Variants in NTM observed in about 807,000 individuals in gnomAD.
NTM encodes IgLON family member 2.
Under a neutral mutation model 42.1 loss-of-function variants are expected in NTM, and 13 were observed. The ratio of observed to expected loss-of-function variants is 0.31; its 90% confidence interval spans 0.20 to 0.49. The LOEUF is 0.49. NTM is among the 20% of genes least tolerant of loss of function. The probability of loss-of-function intolerance (pLI) is 0.99; values close to 1 mark genes in which losing one functional copy is unlikely to be tolerated. For missense variants in NTM, 373 were observed against 452.8 expected (o/e 0.82, Z 1.60); for synonymous variants, 187 against 179.2 (o/e 1.04, Z -0.35).
chr11:132,043,229 C>T (rs1380868705), intron 2 of NTM, among the ~76,000 whole-genome samples: 1 of 152,196 alleles, frequency 6.6e-6, no homozygotes, highest in African/African-American at 2.4e-5. Context: ...TCTGCAAGCT[C>T]CTACATGGTC....
intron 1 of NTM, among the ~76,000 whole-genome samples, chr11:131,625,702 A>G (rs1432362050): frequency 2.6e-5 from 4 of 152,186 alleles, no homozygotes; most frequent in African/African-American, 9.6e-5. Flanking sequence ...TGCAGGAATC[A>G]CCAGGCCCTG....
intron 1 of NTM, among the ~76,000 whole-genome samples, chr11:131,473,767 C>T (rs1304776422): frequency 1.3e-5 from 2 of 152,130 alleles, no homozygotes; most frequent in Admixed American, 1.3e-4. Flanking sequence ...CCAGCCAAAT[C>T]ACATGGACAG....
chr11:132,201,237 G>T (rs974582754), intron 3 of NTM, among the ~76,000 whole-genome samples: 2 of 152,148 alleles, frequency 1.3e-5, no homozygotes, highest in Non-Finnish European at 2.9e-5. Flanking sequence ...AATGGAATGG[G>T]GTCTTGTTCC....
chr11:131,660,381 G>GGGGTGA, intron 1 of NTM: 2 of 432,812 alleles, frequency 4.6e-6, no homozygotes, highest in Non-Finnish European at 4.7e-6. Flanking sequence ...GAGGGCGGAG[G>GGGGTGA]GGGTGAGGGT....
At chr11:131,399,560 G>A (rs1944901992) in intron 1 of NTM, among the ~76,000 whole-genome samples, 1 of 152,192 alleles carries the variant, frequency 6.6e-6, no homozygotes, top group African/African-American at 2.4e-5. Context: ...CACAGAAACT[G>A]AGTGATAGGG....
intron 1 of NTM, among the ~76,000 whole-genome samples, chr11:131,407,671 CA>C (rs1341687927): frequency 6.6e-6 from 1 of 152,232 alleles, no homozygotes; most frequent in Non-Finnish European, 1.5e-5. Flanking sequence ...ACTACAGGGT[CA>C]TCCCTGATGG....
At chr11:132,061,221 G>T (rs1207163109) in intron 2 of NTM, among the ~76,000 whole-genome samples, 1 of 152,178 alleles carries the variant, frequency 6.6e-6, no homozygotes, top group African/African-American at 2.4e-5. Flanking sequence ...GCAGTTATCA[G>T]CTGTTTTGTG....
chr11:131,468,087 A>C (rs1295865657), intron 1 of NTM, among the ~76,000 whole-genome samples: 1 of 152,218 alleles, frequency 6.6e-6, no homozygotes, highest in Non-Finnish European at 1.5e-5. Context: ...ATCTCACAGG[A>C]AGGGCATTTA....
intron 1 of NTM, among the ~76,000 whole-genome samples, chr11:131,699,336 A>G (rs1188704933): frequency 6.6e-6 from 1 of 152,250 alleles, no homozygotes; most frequent in Non-Finnish European, 1.5e-5. Flanking sequence ...ACTGTAAAGA[A>G]AACTATCTCT....
At chr11:131,526,813 G>A (rs1260976068) in intron 1 of NTM, among the ~76,000 whole-genome samples, 2 of 152,164 alleles carry the variant, frequency 1.3e-5, no homozygotes, top group African/African-American at 4.8e-5. Flanking sequence ...GGAGCAGAGG[G>A]AAAAGTTATG....
chr11:132,120,519 C>A (rs1279438028), intron 2 of NTM, among the ~76,000 whole-genome samples: 1 of 152,152 alleles, frequency 6.6e-6, no homozygotes, highest in Non-Finnish European at 1.5e-5. Flanking sequence ...AAAGAGGGAC[C>A]AGACTATGAC....
chr11:132,081,915 G>A (rs7929954), intron 2 of NTM, among the ~76,000 whole-genome samples: 44,827 of 146,956 alleles, frequency 0.31, 7,530 homozygotes, highest in African/African-American at 0.44. Flanking sequence ...ATATATTCAC[G>A]CCACACACAC....
At chr11:131,618,382 A>C (rs905425819) in intron 1 of NTM, among the ~76,000 whole-genome samples, 82 of 152,238 alleles carry the variant, frequency 5.4e-4, no homozygotes, top group Non-Finnish European at 1.6e-4. Flanking sequence ...TTTTCTCTGG[A>C]CTATGGCCAA....
At chr11:132,103,770 G>A (rs536349721) in intron 2 of NTM, among the ~76,000 whole-genome samples, 14 of 152,284 alleles carry the variant, frequency 9.2e-5, no homozygotes, top group African/African-American at 3.1e-4. Context: ...TAATTCTTCC[G>A]AGACTTAATT....
chr11:131,950,121 C>T (rs1343041987), intron 2 of NTM, among the ~76,000 whole-genome samples: 2 of 152,144 alleles, frequency 1.3e-5, no homozygotes, highest in East Asian at 3.9e-4. Flanking sequence ...AGTAGTGGTA[C>T]AATGGGAATC....
chr11:131,514,079 A>G (rs2048591350), intron 1 of NTM, among the ~76,000 whole-genome samples: 1 of 152,170 alleles, frequency 6.6e-6, no homozygotes, highest in Non-Finnish European at 1.5e-5. Flanking sequence ...GTCAGCTGAC[A>G]GCGTCGCTAA....
chr11:131,677,182 G>C (rs567491164), intron 1 of NTM, among the ~76,000 whole-genome samples: 1 of 152,176 alleles, frequency 6.6e-6, no homozygotes, highest in Non-Finnish European at 1.5e-5. Context: ...CACAACTTAT[G>C]TGGGAGGCAG....
chr11:131,564,931 G>A (rs1193917064), intron 1 of NTM, among the ~76,000 whole-genome samples: 8 of 152,186 alleles, frequency 5.3e-5, no homozygotes, highest in Admixed American at 4.6e-4. Flanking sequence ...CTGCCCATGT[G>A]TGCACTGCCC....
chr11:131,789,630 AGAAGAAAAG>A (rs2090451838), intron 1 of NTM, among the ~76,000 whole-genome samples: 3 of 86,946 alleles, frequency 3.5e-5, no homozygotes, highest in Admixed American at 2.5e-4. Flanking sequence ...AAGAAGAAGA[AGAAGAAAAG>A]AAGAAGAAGA....
Sources: allele counts gnomAD v4.1 joint callset (sites outside exome capture counted in the v4.1 genomes callset), GRCh38; gene constraint gnomAD v4.1.1; transcripts MANE v1.5; gene names NCBI Gene and HGNC (gene_info 2026-07-23, HGNC 2026-07-21).